The following CTPS1 variants were observed in gnomAD, a reference collection of about 807,000 sequenced individuals.
The protein encoded by CTPS1 is CTP synthetase 1.
CTPS1 carries 25 observed loss-of-function variants against 80.5 expected under a neutral mutation model. The observed-to-expected ratio is 0.31, with a 90% confidence interval of 0.23 to 0.43. The LOEUF (loss-of-function observed/expected upper bound fraction) is 0.43. Among genes scored for constraint, CTPS1 ranks in the 20% least tolerant of loss-of-function variants. The probability of loss-of-function intolerance (pLI) is 1.00; values close to 1 mark genes in which losing one functional copy is unlikely to be tolerated. For missense variants in CTPS1, 442 were observed against 725.7 expected (o/e 0.61, Z 4.49); for synonymous variants, 267 against 252.5 (o/e 1.06, Z -0.54).
At chr1:40,981,460 C>T (rs1048608649) in intron 1 of CTPS1, among the ~76,000 whole-genome samples, 1 of 152,120 alleles carries the variant, frequency 6.6e-6, no homozygotes, top group Non-Finnish European at 1.5e-5. Context: ...TTTCTAGGAT[C>T]ATCCAAAACT....
At position 40,979,849 on chromosome 1, in the gene CTPS1, C is replaced by T. The variant is rs1017284309; in HGVS notation, c.-14+20C>T. 1.3e-5 allele frequency: 2 copies of T among 152,194 alleles called. No homozygotes were observed. Among genetic ancestry groups the T allele is most frequent in the African/African-American group, 4.8e-5 (2 of 41,452 alleles). 9.4% of individuals were successfully genotyped at this position (152,194 alleles called of 1,614,324 possible). ...CCGCAGGTAGGCTGACTCCAGGGAT[C>T]CCGGGGGGGATCTGTTCTCCCGCGC... On this transcript the variant is annotated intron_variant, in intron 1 of 18. Transcript: ENST00000650070.
At chr1:41,002,814 C>A (rs905369330) in intron 11 of CTPS1, among the ~76,000 whole-genome samples, 1 of 152,092 alleles carries the variant, frequency 6.6e-6, no homozygotes, top group Non-Finnish European at 1.5e-5. Flanking sequence ...CCACTGCACT[C>A]CAGAGTGGGC....
chr1:41,003,544 C>T (rs1483493082), intron 12 of CTPS1, among the ~76,000 whole-genome samples: 1 of 152,170 alleles, frequency 6.6e-6, no homozygotes. Flanking sequence ...TGAAACTGGG[C>T]TCAGATTCCA....
chr1:40,991,543 A>G (rs2148398159), intron 6 of CTPS1, among the ~76,000 whole-genome samples: 1 of 152,222 alleles, frequency 6.6e-6, no homozygotes, highest in Non-Finnish European at 1.5e-5. Context: ...TCATTAATGT[A>G]TTCATTTGTA....
In CTPS1 at chr1:41,001,551, A is replaced by G. The variant is rs115028868; in HGVS notation, c.1094+434A>G. The G allele has an allele frequency of 3.5e-3, 569 of 164,122 alleles. 3 individuals carry two copies. The highest frequency in any genetic ancestry group is 0.013 in the African/African-American group (528 of 41,634). The allele number at this position is 164,122 out of a possible 1,614,324, so 10.2% of individuals were successfully genotyped here. The stretch of plus-strand genomic sequence containing the variant: ...GTACGGCACACAGAGCTGATGAAGA[A>G]AGGCCCCCTTAGGGGAGCATTTTAA... On this transcript the variant is annotated intron_variant, in intron 10 of 18. Coordinates refer to ENST00000650070, the MANE Select transcript of CTPS1 (RefSeq NM_001905.4).
chr1:40,980,010 G>C (rs1651783060), intron 1 of CTPS1, 181 bp downstream of exon 1: 1 of 151,512 alleles, frequency 6.6e-6, no homozygotes, highest in Non-Finnish European at 1.5e-5. Context: ...GAGTGGGGCG[G>C]GCGCCCCGGC....
rs1217449986 is a variant in CTPS1 at position 41,011,984 on chromosome 1, C to A, written c.*336C>A. ...ATCATTGCAGATGCTAGCGCGTTGC[C>A]TGTCGCTTTCCCTTGGATACCTAGA... On this transcript the variant is annotated 3_prime_UTR_variant, in exon 19 of 19. Transcript: ENST00000650070. 1 of 152,206 alleles carries A rather than the reference C, an allele frequency of 6.6e-6. No homozygotes were observed. Among genetic ancestry groups the A allele is most frequent in the East Asian group, 1.9e-4 (1 of 5,196 alleles). The allele number at this position is 152,206 out of a possible 1,614,324, so 9.4% of individuals were successfully genotyped here.
chr1:40,989,007 A>ACC (rs1642530385), intron 5 of CTPS1, among the ~76,000 whole-genome samples: 1 of 152,174 alleles, frequency 6.6e-6, no homozygotes, highest in Non-Finnish European at 1.5e-5. Context: ...AATCTTGTGG[A>ACC]GAGGAGTCAA....
At chr1:40,981,248 A>C (rs914497786) in intron 1 of CTPS1, 5 of 152,262 alleles carry the variant, frequency 3.3e-5, no homozygotes, top group Non-Finnish European at 7.3e-5. Flanking sequence ...GTAGCCCATA[A>C]GGATGAATGA....
rs1464852519 is a variant in CTPS1 at position 41,007,528 on chromosome 1, C to A, written c.1376C>A (p.Thr459Asn). 6.2e-7 allele frequency: 1 copy of A among 1,614,002 alleles called. No homozygotes were observed. The change falls in exon 14 of 19, where the codon ACC (threonine) becomes AAC (asparagine). Residue 459 changes from threonine to asparagine, a missense_variant. Around this residue, in one of 4 missense-constraint regions of CTPS1, gnomAD observed 321 missense variants for 467.2 expected, o/e 0.69. Transcript: ENST00000650070. This position sits in a 1 kb window ranked among gnomAD's most constrained non-coding sequence, Gnocchi z 4.4. ...GGCAAGAGGAGAACCCTGTTCCAGA[C>A]CAAGAACTCAGTCATGAGTAAGAGC... The part of the protein sequence containing the change: ...RLGKRRTLFQ[T>N]KNSVMRKLYG...
At chr1:40,981,902 C>T (rs1231729182) in intron 1 of CTPS1, 2 of 1,046,320 alleles carry the variant, frequency 1.9e-6, no homozygotes, top group Non-Finnish European at 2.6e-6. Context: ...TCGAGCACAA[C>T]TCCTTAGTTT....
rs1642418057 is a variant in CTPS1, at chr1:40,985,033, G to A, written c.337+42G>A. ...CTTTAAAGCTTAAAAGTCTTAACCA[G>A]TTTAATTTCTTCTCCCTCCCACCTC... On this transcript the variant is annotated intron_variant, in intron 3 of 18. Transcript: ENST00000650070. 3 of 1,403,914 alleles carry A rather than the reference G, an allele frequency of 2.1e-6. No homozygotes were observed. The East Asian group carries it at 7.6e-5, about 36-fold the overall frequency. 87.0% of individuals were successfully genotyped at this position (1,403,914 alleles called of 1,614,324 possible).
At chr1:40,990,594 G>A (rs926540369) in intron 5 of CTPS1, among the ~76,000 whole-genome samples, 2 of 151,926 alleles carry the variant, frequency 1.3e-5, no homozygotes, top group Non-Finnish European at 2.9e-5. Context: ...AGACCAGCCT[G>A]GGCAATGTGA....
intron 1 of CTPS1, chr1:40,982,044 T>A: frequency 1.6e-6 from 2 of 1,281,056 alleles, no homozygotes; most frequent in Non-Finnish European, 2.0e-6. Context: ...TTGGTCACAT[T>A]TGGGTTTGCT....
chr1:41,002,245 C>T lies in CTPS1; in HGVS notation c.1180C>T (p.Pro394Ser), dbSNP rs755392632. 1 of 1,613,968 alleles carries T rather than the reference C, an allele frequency of 6.2e-7. No homozygotes were observed. Among genetic ancestry groups the T allele is most frequent in the East Asian group, 2.2e-5 (1 of 44,886 alleles). Reference protein sequence around the residue: ...AIAWARNQKKPFLGVCLGMQL... With the variant: ...AIAWARNQKKSFLGVCLGMQL... ...TGCCTGGGCTCGGAATCAGAAAAAG[C>T]CTTTTTTGGGTAAGGAGCTCTGCAG... Residue 394 changes from proline to serine, a missense_variant, in exon 11 of 19, where the codon CCT becomes TCT. Coordinates refer to ENST00000650070, the MANE Select transcript of CTPS1 (RefSeq NM_001905.4).
chr1:40,995,140 C>T (rs139357765), intron 7 of CTPS1, among the ~76,000 whole-genome samples: 3 of 152,276 alleles, frequency 2.0e-5, no homozygotes, highest in Non-Finnish European at 2.9e-5. Flanking sequence ...GTTTGAGAAC[C>T]ACTGTTCCTA....
intron 17 of CTPS1, 88 bp from the exon 18 acceptor site, chr1:41,010,073 T>A: frequency 1.3e-6 from 1 of 783,964 alleles, no homozygotes. Context: ...TGCAGGCAAG[T>A]GTCCCTGTAG....
chr1:40,985,132 T>C, intron 3 of CTPS1, 141 bp downstream of exon 3: 1 of 507,114 alleles, frequency 2.0e-6, no homozygotes, highest in Non-Finnish European at 3.1e-6. Context: ...ACTCTCAAGG[T>C]ATTGTTACTG....
intron 4 of CTPS1, 86 bp downstream of exon 4, chr1:40,987,558 C>A: frequency 1.0e-6 from 1 of 973,318 alleles, no homozygotes; most frequent in Non-Finnish European, 1.6e-6. Context: ...CCCAGTGGAG[C>A]CCTTGGCCTT....
Sources: gnomAD v4.1 joint callset for allele counts (sites outside exome capture counted in the v4.1 genomes callset) on GRCh38, gnomAD v4.1.1 for gene constraint, gnomAD v4.1.1 regional missense constraint, Gnocchi (gnomAD v3.1) non-coding constraint, MANE v1.5 for transcripts, NCBI Gene and HGNC (gene_info 2026-07-23, HGNC 2026-07-21) for gene names.